GCSAML: variants seen among roughly 807,000 people sequenced by gnomAD.
GCSAML encodes the protein germinal center-associated signaling and motility-like protein.
Under a neutral mutation model 13.0 loss-of-function variants are expected in GCSAML, and 9 were observed. The observed-to-expected ratio is 0.69, with a 90% CI of 0.42 to 1.21. The LOEUF (loss-of-function observed/expected upper bound fraction) is 1.21, where lower values mean the gene tolerates loss of function less well. Among genes scored for constraint, GCSAML ranks in the 50% most tolerant of loss-of-function variants. The probability of loss-of-function intolerance (pLI) is 0.00; values close to 1 mark genes in which losing one functional copy is unlikely to be tolerated. For missense variants in GCSAML, 143 were observed against 153.4 expected, an observed-to-expected ratio of 0.93 and a Z score of 0.36; for synonymous variants, 37 against 52.9, an observed-to-expected ratio of 0.70 and a Z score of 1.31.
At chr1:247,517,233 T>C (rs1396835078) in intron 1 of GCSAML, among the ~76,000 whole-genome samples, 1 of 152,236 alleles carries the variant, frequency 6.6e-6, no homozygotes, top group Non-Finnish European at 1.5e-5. Context: ...GTAAAATGAA[T>C]TCAGGGCTCC....
intron 3 of GCSAML, among the ~76,000 whole-genome samples, chr1:247,564,477 G>C (rs1024971012): frequency 6.6e-6 from 1 of 151,952 alleles, no homozygotes; most frequent in Non-Finnish European, 1.5e-5. Flanking sequence ...TGAATAACAG[G>C]GCTCAGCCCC....
chr1:247,572,463 T>C (rs1439687980), intron 4 of GCSAML, among the ~76,000 whole-genome samples: 1 of 152,226 alleles, frequency 6.6e-6, no homozygotes, highest in Non-Finnish European at 1.5e-5. Flanking sequence ...CAGGCCCGTA[T>C]TCTGCAGGTC....
upstream of GCSAML, among the ~76,000 whole-genome samples, chr1:247,548,628 C>T (rs1667659623): frequency 6.6e-6 from 1 of 151,992 alleles, no homozygotes; most frequent in Non-Finnish European, 1.5e-5. This position sits in a 1 kb window ranked among gnomAD's most constrained non-coding sequence, Gnocchi z 5.3. Context: ...TTTCTTTTCC[C>T]CAAGAAGAGG....
At chr1:247,568,258 G>A (rs1668464819) in intron 4 of GCSAML, among the ~76,000 whole-genome samples, 2 of 152,180 alleles carry the variant, frequency 1.3e-5, no homozygotes, top group Non-Finnish European at 2.9e-5. Flanking sequence ...CCATGCCTAT[G>A]TCCTGAATGG....
chr1:247,515,979 G>A (rs1572281903), intron 1 of GCSAML, among the ~76,000 whole-genome samples: 1 of 152,156 alleles, frequency 6.6e-6, no homozygotes. Context: ...GAGGGGGGAG[G>A]AGACCCAGAG....
chr1:247,570,736 G>A (rs1330788244), intron 4 of GCSAML, among the ~76,000 whole-genome samples: 1 of 152,174 alleles, frequency 6.6e-6, no homozygotes, highest in Non-Finnish European at 1.5e-5. Flanking sequence ...ACTTGGTCCA[G>A]AGCTGAGTTC....
chr1:247,509,211 A>C (rs920009504), intron 1 of GCSAML, among the ~76,000 whole-genome samples: 1 of 152,114 alleles, frequency 6.6e-6, no homozygotes, highest in Non-Finnish European at 1.5e-5. Flanking sequence ...CTCCTTGAAG[A>C]GGTCCTTCAC....
chr1:247,545,908 AATTCG>A (rs1667551091), upstream of GCSAML, among the ~76,000 whole-genome samples: 2 of 152,188 alleles, frequency 1.3e-5, no homozygotes, highest in Non-Finnish European at 2.9e-5. Flanking sequence ...TGTACTTAAC[AATTCG>A]TCAAGAGTGT....
intron 3 of GCSAML, among the ~76,000 whole-genome samples, chr1:247,564,277 G>C (rs1357716606): frequency 2.6e-5 from 4 of 151,874 alleles, no homozygotes; most frequent in African/African-American, 9.7e-5. Flanking sequence ...AAAGAAGCTG[G>C]TGGTGCACTC....
At chr1:247,573,487 C>A (rs1668711160) in intron 4 of GCSAML, among the ~76,000 whole-genome samples, 1 of 152,152 alleles carries the variant, frequency 6.6e-6, no homozygotes, top group Non-Finnish European at 1.5e-5. Flanking sequence ...TGATGCCCCA[C>A]CCTGCTTCTG....
At position 247,574,305 on chromosome 1, in the gene GCSAML, G is replaced by A. The variant is rs780704649; in HGVS notation, c.331G>A (p.Ala111Thr). 1 of 1,613,962 alleles carries A rather than the reference G, an allele frequency of 6.2e-7. No homozygotes were observed. Among genetic ancestry groups the A allele is most frequent in the Non-Finnish European group, 8.5e-7 (1 of 1,179,878 alleles). Residue 111 changes from alanine (A) to threonine (T), a missense_variant, in exon 5 of 5, where the codon GCC (alanine) becomes ACC (threonine). Transcript: ENST00000366488. ...QFRERSETEY[A>T]LLRTSVSRPC... ...TAGAGAAAGGTCAGAGACAGAATATGCCCTTCTTAGGACTTCTGTTAGTAG... is the reference window on the plus strand; with the variant it reads ...TAGAGAAAGGTCAGAGACAGAATATACCCTTCTTAGGACTTCTGTTAGTAG...
chr1:247,541,966 T>G (rs1667429747), intron 2 of GCSAML, among the ~76,000 whole-genome samples: 1 of 151,360 alleles, frequency 6.6e-6, no homozygotes, highest in African/African-American at 2.4e-5. Flanking sequence ...GCCGAGATTG[T>G]TCCACTGCAG....
At chr1:247,531,717 C>T (rs1558241907) in intron 2 of GCSAML, 1 of 1,614,188 alleles carries the variant, frequency 6.2e-7, no homozygotes, top group Admixed American at 1.7e-5. Context: ...GGGAGGTGCT[C>T]TTGGCTGGCT....
chr1:247,518,334 T>C (rs1185145635), intron 1 of GCSAML: 1 of 152,420 alleles, frequency 6.6e-6, no homozygotes. Flanking sequence ...CGCCTGGCTT[T>C]CCCCGGCCAC....
At chr1:247,544,868 C>T (rs1237916489), upstream of GCSAML, among the ~76,000 whole-genome samples, 1 of 151,916 alleles carries the variant, frequency 6.6e-6, no homozygotes, top group African/African-American at 2.4e-5. Flanking sequence ...AAAAACAAAA[C>T]AAAACAAAAA....
intron 2 of GCSAML, chr1:247,529,703 T>A (rs1666831361): frequency 6.8e-6 from 1 of 146,910 alleles, no homozygotes. Context: ...CAAGCCTCGG[T>A]GTTACTGTGA....
chr1:247,556,231 T>C (rs1417130754), intron 1 of GCSAML, among the ~76,000 whole-genome samples, 176 bp from the exon 2 acceptor site: 1 of 152,132 alleles, frequency 6.6e-6, no homozygotes, highest in Admixed American at 6.5e-5. Context: ...CTGGTCTCTG[T>C]GGTTAATTTC....
chr1:247,545,629 G>T (rs1667542898), upstream of GCSAML, among the ~76,000 whole-genome samples: 1 of 152,172 alleles, frequency 6.6e-6, no homozygotes, highest in African/African-American at 2.4e-5. Context: ...CTAATAATTA[G>T]TGATGTTGAG....
rs549596719 is a variant in GCSAML at position 247,557,860 on chromosome 1, G to A, written c.89+1394G>A. Among the ~76,000 whole-genome samples, 8 of 152,254 alleles carry A rather than the reference G, an allele frequency of 5.3e-5. No homozygotes were observed. The South Asian group carries it at 6.2e-4, about 12-fold the overall frequency. ...CTGCTGTGAATCAGTTCTGTATAGC[G>A]TCTTTTAAACTAGACTTTTAATTCA... On this transcript the variant is annotated intron_variant, in intron 2 of 4. Transcript: ENST00000366488.
Sources: allele counts gnomAD v4.1 joint callset (sites outside exome capture counted in the v4.1 genomes callset), GRCh38; gene constraint gnomAD v4.1.1; non-coding constraint Gnocchi (gnomAD v3.1); transcripts MANE v1.5; gene names NCBI Gene and HGNC (gene_info 2026-07-23, HGNC 2026-07-21).